The following SLC6A6 variants were observed in gnomAD, a reference collection of about 807,000 sequenced individuals.
The protein encoded by SLC6A6 is sodium- and chloride-dependent taurine transporter.
SLC6A6 carries 16 observed loss-of-function variants against 68.8 expected under a neutral mutation model. The ratio of observed to expected loss-of-function variants is 0.23; its 90% CI spans 0.16 to 0.35. The LOEUF is 0.35. SLC6A6 is among the 10% of genes least tolerant of loss of function. The pLI is 1.00. For missense variants in SLC6A6, 474 were observed against 802.8 expected (o/e 0.59, Z 4.95); for synonymous variants, 312 against 315.4 (o/e 0.99, Z 0.12).
chr3:14,447,862 G>T (rs2304511), intron 5 of SLC6A6, 46 bp downstream of exon 5: 387,442 of 1,606,126 alleles, frequency 0.24, 48,368 homozygotes, highest in African/African-American at 0.33. Context: ...GGGTGGGGCA[G>T]AGAGGATGGC....
chr3:14,432,076 T>G (rs1699737211), intron 2 of SLC6A6, among the ~76,000 whole-genome samples: 1 of 152,120 alleles, frequency 6.6e-6, no homozygotes, highest in Non-Finnish European at 1.5e-5. Flanking sequence ...CTGGCCCGGC[T>G]CCTGCACGTG....
chr3:14,478,836 G>A, intron 12 of SLC6A6: 2 of 591,994 alleles, frequency 3.4e-6, no homozygotes, highest in Non-Finnish European at 6.0e-6. Flanking sequence ...TTGAGGCCTT[G>A]GGTTTGAGTT....
At chr3:14,441,158 A>G (rs1177017093) in intron 2 of SLC6A6, among the ~76,000 whole-genome samples, 1 of 152,164 alleles carries the variant, frequency 6.6e-6, no homozygotes, top group South Asian at 2.1e-4. Flanking sequence ...GCCGCAGTGA[A>G]GCAGACCCCA....
In SLC6A6 at chr3:14,477,847, C is replaced by T. The variant is rs1427212479; in HGVS notation, c.1347+505C>T. ...GGTGAGCAGGGGCCAGGAGGAGGGGCGATTTCAGATGCAGACAAGGGAAGC... is the reference window on the plus strand; with the variant it reads ...GGTGAGCAGGGGCCAGGAGGAGGGGTGATTTCAGATGCAGACAAGGGAAGC... On this transcript the variant is annotated intron_variant, in intron 11 of 14. Coordinates refer to ENST00000622186, the MANE Select transcript of SLC6A6 (RefSeq NM_003043.6). The surrounding 1 kb of genome is among the most constrained non-coding windows in gnomAD (Gnocchi z 4.2). Among the ~76,000 whole-genome samples, 3 of 152,026 alleles carry T rather than the reference C, an allele frequency of 2.0e-5. No homozygotes were observed. Among genetic ancestry groups the T allele is most frequent in the Admixed American group, 6.5e-5 (1 of 15,268 alleles).
Position 14,472,413 on chromosome 3 carries a change from T to C in SLC6A6, c.1209+96T>C. On this transcript the variant is annotated intron_variant, in intron 10 of 14. Transcript: ENST00000622186. The surrounding 1 kb of genome is among the most constrained non-coding windows in gnomAD (Gnocchi z 4.5). ...CCACCTGGGAGGTGGTCAACCCCCT[T>C]CCCCCCTCCAGTCAGACTTCCAGTG... is the stretch of plus-strand genomic sequence containing the variant. The C allele has an allele frequency of 1.9e-5, 14 of 752,702 alleles. No homozygotes were observed. The highest frequency in any genetic ancestry group is 6.6e-4 in the Middle Eastern group (2 of 3,044). The allele number at this position is 752,702 out of a possible 1,614,324, so 46.6% of individuals were successfully genotyped here. A position where few individuals can be genotyped will look rare whatever the true frequency, so the allele number is the denominator to read the frequency against.
intron 13 of SLC6A6, among the ~76,000 whole-genome samples, chr3:14,480,619 G>GT (rs1275301360): frequency 6.6e-6 from 1 of 152,228 alleles, no homozygotes; most frequent in African/African-American, 2.4e-5. Context: ...CTGCAGGCTA[G>GT]TGCTCTCCCT....
intron 1 of SLC6A6, among the ~76,000 whole-genome samples, chr3:14,403,459 G>A (rs931561131): frequency 1.3e-5 from 2 of 152,168 alleles, no homozygotes; most frequent in African/African-American, 4.8e-5. Context: ...GTGGGCACTC[G>A]TGTGTCCTCG....
intron 1 of SLC6A6, among the ~76,000 whole-genome samples, chr3:14,413,531 G>C (rs748333468): frequency 1.7e-4 from 26 of 152,228 alleles, no homozygotes; most frequent in Admixed American, 3.9e-4. Flanking sequence ...AGCAGTATGG[G>C]CATCACGTGG....
Position 14,468,444 on chromosome 3 carries a change from G to A in SLC6A6, c.1096+232G>A, listed in dbSNP as rs988158687. The stretch of plus-strand genomic sequence containing the variant: ...GATGGGTGGCAAAAGCATGGGGGGT[G>A]GTTAAGTTGGGGAATTTTTAGCTAC... On this transcript the variant is annotated intron_variant, in intron 9 of 14. Transcript: ENST00000622186. This position sits in a 1 kb window ranked among gnomAD's most constrained non-coding sequence, Gnocchi z 4.5. 5.3e-5 allele frequency among the ~76,000 whole-genome samples: 8 copies of A among 151,788 alleles called. No homozygotes were observed. Among genetic ancestry groups the A allele is most frequent in the Non-Finnish European group, 1.0e-4 (7 of 67,984 alleles).
At chr3:14,429,492 G>A (rs372818584) in intron 2 of SLC6A6, among the ~76,000 whole-genome samples, 1 of 152,222 alleles carries the variant, frequency 6.6e-6, no homozygotes, top group African/African-American at 2.4e-5. Context: ...CAGATGAGAC[G>A]TCTGTGTGCA....
chr3:14,447,246 A>G (rs1487215435), intron 4 of SLC6A6, among the ~76,000 whole-genome samples: 2 of 151,772 alleles, frequency 1.3e-5, no homozygotes, highest in African/African-American at 2.4e-5. Context: ...CCATCCATCC[A>G]TCCATCCATC....
chr3:14,408,418 T>C (rs1381322431), intron 1 of SLC6A6, among the ~76,000 whole-genome samples: 1 of 151,564 alleles, frequency 6.6e-6, no homozygotes, highest in Admixed American at 6.6e-5. Context: ...CACTGCAACC[T>C]CCGCCTCCCA....
At chr3:14,449,632 C>G (rs757096540) in intron 5 of SLC6A6, among the ~76,000 whole-genome samples, 1 of 152,214 alleles carries the variant, frequency 6.6e-6, no homozygotes, top group Non-Finnish European at 1.5e-5. Flanking sequence ...CTCTCTGGGC[C>G]GTGGTATCCT....
intron 1 of SLC6A6, among the ~76,000 whole-genome samples, chr3:14,409,779 G>T (rs1699201455): frequency 6.6e-6 from 1 of 152,184 alleles, no homozygotes; most frequent in African/African-American, 2.4e-5. Flanking sequence ...TGGAGTGTGG[G>T]GACTTTGGGG....
intron 2 of SLC6A6, among the ~76,000 whole-genome samples, chr3:14,443,261 C>G (rs1471639718): frequency 6.6e-6 from 1 of 152,128 alleles, no homozygotes; most frequent in Admixed American, 6.5e-5. Context: ...CTAGAACTGC[C>G]TGGGTGTGTT....
At chr3:14,480,660 G>T (rs1474700807) in intron 13 of SLC6A6, among the ~76,000 whole-genome samples, 1 of 152,236 alleles carries the variant, frequency 6.6e-6, no homozygotes, top group South Asian at 2.1e-4. Context: ...TTAGAAAGAT[G>T]CATCTTCCTG....
chr3:14,485,159 C>CGTGCGT lies in SLC6A6; in HGVS notation c.*155_*156insCGTGTG. The CGTGCGT allele has an allele frequency of 4.3e-6, 2 of 463,144 alleles. No homozygotes were observed. The highest frequency in any genetic ancestry group is 7.4e-6 in the Non-Finnish European group (2 of 269,266). 28.7% of individuals were successfully genotyped at this position (463,144 alleles called of 1,614,324 possible). ...ATGTAATTGTGGGTATGTGTGCGTG[C>CGTGCGT]GTGTGTGTGTGTGTGTGTATCGTGT... On this transcript the variant is annotated 3_prime_UTR_variant, in exon 15 of 15. Transcript: ENST00000622186.
Position 14,443,973 on chromosome 3 carries a change from C to T in SLC6A6, c.229+110C>T, listed in dbSNP as rs763569966. 9.6e-6 allele frequency: 7 copies of T among 730,068 alleles called. No homozygotes were observed. The Admixed American group carries it at 1.1e-4, about 12-fold the overall frequency. The allele number at this position is 730,068 out of a possible 1,614,324, so 45.2% of individuals were successfully genotyped here. A position where few individuals can be genotyped will look rare whatever the true frequency, so the allele number is the denominator to read the frequency against. Reference sequence around the variant, plus strand: ...TCTCTTTCCCTGCTTTCCCTGGCCCCCCCCCTTGACCTCCATGAGGTCAGC... The same window carrying T: ...TCTCTTTCCCTGCTTTCCCTGGCCCTCCCCCTTGACCTCCATGAGGTCAGC... On this transcript the variant is annotated intron_variant, in intron 3 of 14. Transcript: ENST00000622186.
intron 13 of SLC6A6, among the ~76,000 whole-genome samples, chr3:14,480,660 G>A (rs1474700807): frequency 6.6e-6 from 1 of 152,236 alleles, no homozygotes; most frequent in Non-Finnish European, 1.5e-5. Flanking sequence ...TTAGAAAGAT[G>A]CATCTTCCTG....
Sources: gnomAD v4.1 joint callset for allele counts (sites outside exome capture counted in the v4.1 genomes callset) on GRCh38, gnomAD v4.1.1 for gene constraint, Gnocchi (gnomAD v3.1) non-coding constraint, MANE v1.5 for transcripts, NCBI Gene and HGNC (gene_info 2026-07-23, HGNC 2026-07-21) for gene names.